Variants in CHN2 observed in about 807,000 individuals in gnomAD.
CHN2 encodes chimerin 2, also known as beta-chimaerin.
Under a neutral mutation model 56.3 loss-of-function variants are expected in CHN2, and 35 were observed. The ratio of observed to expected loss-of-function variants is 0.62; its 90% CI spans 0.47 to 0.82. The LOEUF is 0.82. Ranked by LOEUF, CHN2 falls within the 40% of genes least tolerant of loss-of-function variation. The pLI, the probability that CHN2 is intolerant of heterozygous loss-of-function variation, is 0.00. For missense variants in CHN2, 491 were observed against 580.5 expected (o/e 0.85, Z 1.58); for synonymous variants, 210 against 212.8 (o/e 0.99, Z 0.12).
At chr7:29,506,114 C>T (rs563115479) in intron 10 of CHN2, among the ~76,000 whole-genome samples, 8 of 152,038 alleles carry the variant, frequency 5.3e-5, no homozygotes, top group African/African-American at 1.9e-4. Flanking sequence ...TATTTCCTAA[C>T]GGTAAAACTA....
intron 1 of CHN2, among the ~76,000 whole-genome samples, chr7:29,208,343 G>A (rs564468272): frequency 1.3e-5 from 2 of 152,226 alleles, no homozygotes; most frequent in East Asian, 3.9e-4. Flanking sequence ...ACAAATAAAT[G>A]CCCCTTCACG....
intron 2 of CHN2, among the ~76,000 whole-genome samples, chr7:29,357,589 A>G (rs988484451): frequency 1.3e-5 from 2 of 152,224 alleles, no homozygotes; most frequent in South Asian, 2.1e-4. Flanking sequence ...CCAATGTACA[A>G]TCTAGTCAAG....
At chr7:29,299,920 A>G (rs1220794388) in intron 1 of CHN2, among the ~76,000 whole-genome samples, 2 of 152,188 alleles carry the variant, frequency 1.3e-5, no homozygotes, top group African/African-American at 2.4e-5. Flanking sequence ...GGGATGGGCC[A>G]TGGGCATGGG....
rs191468246 is a variant in CHN2 at position 29,474,544 on chromosome 7, C to G, written c.577-5735C>G. 1.2e-3 allele frequency among the ~76,000 whole-genome samples: 187 copies of G among 152,282 alleles called. 1 individual carries two copies. Among genetic ancestry groups the G allele is most frequent in the Non-Finnish European group, 1.9e-3 (131 of 68,034 alleles). On this transcript the variant is annotated intron_variant, in intron 6 of 12. Transcript: ENST00000222792. ...ACTCTCCTCACCACACCCTCATCAT[C>G]ATTCGTAATATTGATTTTCATTTCA...
At chr7:29,227,574 T>C (rs1786310908) in intron 1 of CHN2, among the ~76,000 whole-genome samples, 1 of 152,224 alleles carries the variant, frequency 6.6e-6, no homozygotes, top group African/African-American at 2.4e-5. Flanking sequence ...ATTGGAATTA[T>C]TGGCCATTGC....
At chr7:29,457,857 C>T (rs1036346260) in intron 6 of CHN2, among the ~76,000 whole-genome samples, 8 of 152,164 alleles carry the variant, frequency 5.3e-5, no homozygotes, top group African/African-American at 1.9e-4. Context: ...TGCAGCTGTA[C>T]TGGGGACCAA....
intron 2 of CHN2, among the ~76,000 whole-genome samples, chr7:29,186,736 T>G (rs947637593): frequency 1.3e-5 from 2 of 152,142 alleles, no homozygotes; most frequent in Non-Finnish European, 2.9e-5. Context: ...AGGAAAATAC[T>G]TACCATAACA....
intron 1 of CHN2, among the ~76,000 whole-genome samples, chr7:29,290,604 G>A (rs558567120): frequency 2.0e-5 from 3 of 152,252 alleles, no homozygotes; most frequent in Non-Finnish European, 4.4e-5. Context: ...CATGAATAAC[G>A]TTTAGTAAGT....
At chr7:29,291,413 G>GT (rs1345917092) in intron 1 of CHN2, among the ~76,000 whole-genome samples, 1 of 152,068 alleles carries the variant, frequency 6.6e-6, no homozygotes, top group African/African-American at 2.4e-5. Flanking sequence ...TGCCCTGCTT[G>GT]TGTCTGCCTG....
At chr7:29,232,944 C>G (rs1019662019) in intron 1 of CHN2, among the ~76,000 whole-genome samples, 2 of 152,172 alleles carry the variant, frequency 1.3e-5, no homozygotes, top group Admixed American at 6.5e-5. Flanking sequence ...TTTTAACATC[C>G]TTGTTATGAC....
chr7:29,152,441 G>A (rs1793722178), intron 2 of CHN2, among the ~76,000 whole-genome samples: 1 of 152,056 alleles, frequency 6.6e-6, no homozygotes, highest in Non-Finnish European at 1.5e-5. Context: ...AATCTTTCTT[G>A]CTTTCCTCAT....
At position 29,374,847 on chromosome 7, in the gene CHN2, T is replaced by G. The variant is rs66609046; in HGVS notation, c.144+6860T>G. On this transcript the variant is annotated intron_variant, in intron 3 of 12. Coordinates refer to ENST00000222792, the MANE Select transcript of CHN2 (RefSeq NM_004067.4). ...TTCCTTCCTTCCTTCCTTCCTTCCT[T>G]CCTGCCTCCCTCCCTCCCTTTCTCC... is the stretch of plus-strand genomic sequence containing the variant. Among the ~76,000 whole-genome samples the G allele has an allele frequency of 4.8e-5, 7 of 145,444 alleles. 1 individual carries two copies. Among genetic ancestry groups the G allele is most frequent in the South Asian group, 4.5e-4 (2 of 4,438 alleles).
intron 2 of CHN2, among the ~76,000 whole-genome samples, chr7:29,177,190 A>G (rs2128735836): frequency 6.6e-6 from 1 of 152,246 alleles, no homozygotes; most frequent in South Asian, 2.1e-4. Flanking sequence ...AAAGTAATTT[A>G]TACCTATATA....
intron 1 of CHN2, among the ~76,000 whole-genome samples, chr7:29,254,685 C>T (rs569627908): frequency 3.7e-4 from 57 of 152,216 alleles, no homozygotes; most frequent in African/African-American, 6.5e-4. Flanking sequence ...AGAATCTCTG[C>T]GAGCTGCCCC....
upstream of CHN2, chr7:29,193,698 G>C (rs1490537353): frequency 6.6e-6 from 1 of 152,190 alleles, no homozygotes; most frequent in Non-Finnish European, 1.5e-5. Context: ...CCTTGTGCTC[G>C]AGTCTCTTTC....
intron 1 of CHN2, among the ~76,000 whole-genome samples, chr7:29,308,729 G>A (rs1275826937): frequency 3.3e-5 from 5 of 152,184 alleles, no homozygotes; most frequent in African/African-American, 1.2e-4. Flanking sequence ...TGCCCAGGAG[G>A]AAAATTCAGT....
intron 1 of CHN2, among the ~76,000 whole-genome samples, chr7:29,320,847 C>T (rs1795286727): frequency 6.6e-6 from 1 of 152,162 alleles, no homozygotes; most frequent in Non-Finnish European, 1.5e-5. Flanking sequence ...CCTTTCACCT[C>T]ATATCCTGTT....
At chr7:29,346,436 A>G (rs2128918497) in intron 1 of CHN2, among the ~76,000 whole-genome samples, 1 of 152,290 alleles carries the variant, frequency 6.6e-6, no homozygotes, top group East Asian at 1.9e-4. Context: ...TGCTTGACTG[A>G]AAAACCTGTT....
At chr7:29,417,840 G>A (rs763928341) in intron 6 of CHN2, among the ~76,000 whole-genome samples, 1 of 152,168 alleles carries the variant, frequency 6.6e-6, no homozygotes, top group African/African-American at 2.4e-5. Flanking sequence ...TGTAGATGGT[G>A]CCACGGAGAG....
Sources: gnomAD v4.1 joint callset for allele counts (sites outside exome capture counted in the v4.1 genomes callset) on GRCh38, gnomAD v4.1.1 for gene constraint, MANE v1.5 for transcripts, NCBI Gene and HGNC (gene_info 2026-07-23, HGNC 2026-07-21) for gene names.